PI4KB: variants seen among roughly 807,000 people sequenced by gnomAD.
PI4KB encodes the protein phosphatidylinositol 4-kinase beta, also known as PtdIns 4-kinase beta.
In PI4KB, 23 loss-of-function variants were observed where a neutral mutation model predicts 81.4. The observed-to-expected ratio is 0.28, with a 90% confidence interval of 0.20 to 0.40. The LOEUF is 0.40. Ranked by LOEUF, PI4KB falls within the 10% of genes least tolerant of loss-of-function variation. The pLI is 1.00. For synonymous variants in PI4KB, 381 were observed against 406.8 expected (o/e 0.94, Z 0.76); for missense variants, 651 against 1,036.6 (o/e 0.63, Z 5.11).
chr1:151,302,805 G>A (rs1302357279), intron 6 of PI4KB, among the ~76,000 whole-genome samples: 1 of 150,744 alleles, frequency 6.6e-6, no homozygotes, highest in East Asian at 2.0e-4. Context: ...GGATGGTCTC[G>A]ATCTCCTGAC....
chr1:151,320,080 C>T (rs1648621728), intron 1 of PI4KB, among the ~76,000 whole-genome samples: 3 of 152,190 alleles, frequency 2.0e-5, no homozygotes, highest in Admixed American at 2.0e-4. Flanking sequence ...GTCGCCCAGG[C>T]TGGAGTGCAG....
Position 151,302,205 on chromosome 1 carries a change from C to A in PI4KB, c.1614G>T (p.Gln538His). ...PSAVALKEPWQEKVRRIREGS... is the reference protein window; with the variant it reads ...PSAVALKEPWHEKVRRIREGS... Reference sequence around the variant, plus strand: ...CACACCCAACTCACCGTACTTTCTCCTGCCAGGGCTCTTTGAGAGCAACTG... The same window carrying A: ...CACACCCAACTCACCGTACTTTCTCATGCCAGGGCTCTTTGAGAGCAACTG... The change falls in exon 7 of 12, where the codon CAG becomes CAT. Residue 538 changes from glutamine (Q) to histidine (H), a missense_variant. Gln to His is a conservative substitution (Grantham distance 24). Coordinates refer to ENST00000368873, the MANE Select transcript of PI4KB (RefSeq NM_001369623.2). The A allele has an allele frequency of 6.2e-7, 1 of 1,613,370 alleles. No homozygotes were observed. Among genetic ancestry groups the A allele is most frequent in the South Asian group, 1.1e-5 (1 of 91,070 alleles).
At chr1:151,301,761 C>T (rs1695305428) in intron 8 of PI4KB, 83 bp downstream of exon 8, 32 of 1,348,430 alleles carry the variant, frequency 2.4e-5, no homozygotes, top group Non-Finnish European at 3.0e-5. Context: ...CTTGAACTCC[C>T]GACTTTGTAA....
intron 1 of PI4KB, chr1:151,326,172 A>T: frequency 6.2e-7 from 1 of 1,613,228 alleles, no homozygotes; most frequent in Non-Finnish European, 8.5e-7. Context: ...GTTTTCTCAC[A>T]ATCTCATTCA....
At chr1:151,309,790 G>T (rs1471441911) in intron 3 of PI4KB, among the ~76,000 whole-genome samples, 1 of 152,186 alleles carries the variant, frequency 6.6e-6, no homozygotes, top group African/African-American at 2.4e-5. Context: ...AGAAGATTAT[G>T]AATAAATATT....
intron 9 of PI4KB, among the ~76,000 whole-genome samples, chr1:151,297,679 C>T (rs587655214): frequency 4.6e-5 from 7 of 151,974 alleles, no homozygotes; most frequent in East Asian, 3.9e-4. Flanking sequence ...TGGGATTAGG[C>T]GCCTGCCACC....
chr1:151,297,606 T>C (rs796873041), intron 9 of PI4KB, among the ~76,000 whole-genome samples: 3 of 151,974 alleles, frequency 2.0e-5, no homozygotes, highest in African/African-American at 7.2e-5. Context: ...GGTGCCATCT[T>C]GGCCCACTGC....
rs5777768 is a variant in PI4KB, at chr1:151,316,814, T to TTTG, written c.-28-308_-28-306dup. On this transcript the variant is annotated intron_variant, in intron 1 of 11. Coordinates refer to ENST00000368873, the MANE Select transcript of PI4KB (RefSeq NM_001369623.2). ...TATTTATATAGATTTACAAATTCTTTTTGTTGTTGTTGTTGTTGTTGTTGT... is the reference window on the plus strand; with the variant it reads ...TATTTATATAGATTTACAAATTCTTTTTGTTGTTGTTGTTGTTGTTGTTGTTGT... 2.3e-3 allele frequency among the ~76,000 whole-genome samples: 353 copies of TTTG among 151,996 alleles called. 3 individuals are homozygous for TTTG. Among genetic ancestry groups the TTTG allele is most frequent in the African/African-American group, 6.8e-3 (282 of 41,452 alleles).
At position 151,304,377 on chromosome 1, in the gene PI4KB, C is replaced by T. The variant is rs1327943718; in HGVS notation, c.1411-727G>A. Among the ~76,000 whole-genome samples, 9 of 139,130 alleles carry T rather than the reference C, an allele frequency of 6.5e-5. No individual in the cohort carries two copies. In the East Asian group the frequency reaches 1.7e-3, roughly 26 times the overall value. 91.3% of individuals were successfully genotyped at this position (139,130 alleles called of 152,430 possible). A position where few individuals can be genotyped will look rare whatever the true frequency, so the allele number is the denominator to read the frequency against. Reference sequence around the variant, plus strand: ...TTTTTTTTTTAGACGGAGTTTCGCTCTTGTTGCCCACGCTGGAGTGCAATG... The same window carrying T: ...TTTTTTTTTTAGACGGAGTTTCGCTTTTGTTGCCCACGCTGGAGTGCAATG... On this transcript the variant is annotated intron_variant, in intron 5 of 11. Transcript: ENST00000368873.
At chr1:151,295,609 G>A (rs1235757712) in intron 9 of PI4KB, among the ~76,000 whole-genome samples, 1 of 152,256 alleles carries the variant, frequency 6.6e-6, no homozygotes, top group Non-Finnish European at 1.5e-5. Flanking sequence ...AGCAGTTAAA[G>A]AGATCCTAAA....
chr1:151,315,970 T>C lies in PI4KB; in HGVS notation c.512A>G (p.Asp171Gly). The C allele has an allele frequency of 6.2e-7, 1 of 1,613,094 alleles. No homozygotes were observed. Among genetic ancestry groups the C allele is most frequent in the Non-Finnish European group, 8.5e-7 (1 of 1,179,196 alleles). Residue 171 changes from aspartate (D) to glycine (G), a missense_variant, in exon 2 of 12, where the codon GAC becomes GGC. Coordinates refer to ENST00000368873, the MANE Select transcript of PI4KB (RefSeq NM_001369623.2). Reference protein sequence around the residue: ...GNRLFCFRNEDVDFYLPQLLN... With the variant: ...GNRLFCFRNEGVDFYLPQLLN... ...CAACTGGGGCAGATAGAAGTCCACG[T>C]CCTCGTTGCGAAAGCAGAAGAGCCG...
rs948581115 is a variant in PI4KB, at chr1:151,299,208, T to C, written c.1750-135A>G. On this transcript the variant is annotated intron_variant, in intron 8 of 11. Coordinates refer to ENST00000368873, the MANE Select transcript of PI4KB (RefSeq NM_001369623.2). ...AGCCATCAAATGAGTAAGACTCACT[T>C]AACCCAGTGAGGACCAGGGAGTTTG... is the stretch of plus-strand genomic sequence containing the variant. 145 of 781,892 alleles carry C rather than the reference T, an allele frequency of 1.9e-4. 2 individuals are homozygous for C. Among genetic ancestry groups the C allele is most frequent in the Non-Finnish European group, 4.1e-5 (20 of 485,080 alleles). The allele number at this position is 781,892 out of a possible 1,614,324, so 48.4% of individuals were successfully genotyped here. A position where few individuals can be genotyped will look rare whatever the true frequency, so the allele number is the denominator to read the frequency against.
At chr1:151,313,624 C>G (rs1016930741) in intron 2 of PI4KB, among the ~76,000 whole-genome samples, 21 of 152,254 alleles carry the variant, frequency 1.4e-4, no homozygotes, top group African/African-American at 4.6e-4. Context: ...CCACTAGAAT[C>G]TGGATGACTC....
At chr1:151,318,567 C>A (rs999218217) in intron 1 of PI4KB, among the ~76,000 whole-genome samples, 5 of 151,956 alleles carry the variant, frequency 3.3e-5, no homozygotes, top group Non-Finnish European at 7.4e-5. Context: ...ACAAAATTAG[C>A]TGGGCGTGGT....
intron 5 of PI4KB, among the ~76,000 whole-genome samples, chr1:151,304,214 T>G (rs587702099): frequency 3.9e-5 from 6 of 152,300 alleles, no homozygotes; most frequent in Non-Finnish European, 7.4e-5. Flanking sequence ...TCAACTCCAT[T>G]TGTCACCTAG....
At chr1:151,311,895 A>G (rs1287354096) in intron 2 of PI4KB, among the ~76,000 whole-genome samples, 2 of 152,244 alleles carry the variant, frequency 1.3e-5, no homozygotes, top group South Asian at 2.1e-4. Context: ...GCAGTCCTGA[A>G]AAGACAAAGC....
At chr1:151,318,800 C>T (rs1357277948) in intron 1 of PI4KB, among the ~76,000 whole-genome samples, 2 of 152,058 alleles carry the variant, frequency 1.3e-5, no homozygotes, top group East Asian at 3.8e-4. Context: ...CCCTTTTAAA[C>T]TCGAAGTTCC....
Position 151,315,811 on chromosome 1 carries a change from T to C in PI4KB, c.671A>G (p.His224Arg). The change falls in exon 2 of 12, where the codon CAC becomes CGC. Residue 224 changes from histidine (H) to arginine (R), a missense_variant. Coordinates refer to ENST00000368873, the MANE Select transcript of PI4KB (RefSeq NM_001369623.2). Reference sequence around the variant, plus strand: ...ACGGGAGTGTCGTTGAGTGGAAATGTGCATGTCTGAAGAATAGGCCCCAAG... The same window carrying C: ...ACGGGAGTGTCGTTGAGTGGAAATGCGCATGTCTGAAGAATAGGCCCCAAG... The part of the protein sequence containing the change: ...LLLGAYSSDM[H>R]ISTQRHSRGT... The C allele has an allele frequency of 6.2e-7, 1 of 1,612,988 alleles. No individual in the cohort carries two copies. Among genetic ancestry groups the C allele is most frequent in the Non-Finnish European group, 8.5e-7 (1 of 1,179,444 alleles).
chr1:151,308,739 C>CT (rs1695986540), intron 3 of PI4KB, among the ~76,000 whole-genome samples: 1 of 152,206 alleles, frequency 6.6e-6, no homozygotes, highest in African/African-American at 2.4e-5. Context: ...TCTTCCCAGT[C>CT]TAAGCCCTTC....
Sources: allele counts gnomAD v4.1 joint callset (sites outside exome capture counted in the v4.1 genomes callset), GRCh38; gene constraint gnomAD v4.1.1; transcripts MANE v1.5; gene names NCBI Gene and HGNC (gene_info 2026-07-23, HGNC 2026-07-21).